Variants in SYCP2L observed in about 807,000 individuals in gnomAD.
The protein encoded by SYCP2L is synaptonemal complex protein 2 like, also known as synaptonemal complex protein 2-like.
Under a neutral mutation model 125.8 loss-of-function variants are expected in SYCP2L, and 98 were observed. The ratio of observed to expected loss-of-function variants is 0.78; its 90% CI spans 0.66 to 0.92. SYCP2L has a LOEUF of 0.92. Ranked by LOEUF, SYCP2L falls within the 40% of genes least tolerant of loss-of-function variation. SYCP2L has a pLI of 0.00. For missense variants in SYCP2L, 842 were observed against 936.4 expected, an observed-to-expected ratio of 0.90 and a Z score of 1.32; for synonymous variants, 317 against 325.4, an observed-to-expected ratio of 0.97 and a Z score of 0.28.
rs1780213578 is a variant in SYCP2L at position 10,893,867 on chromosome 6, C to G, written c.79C>G (p.Leu27Val). Reference protein sequence around the residue: ...TGKAQDDAFWLQSLITDAFHD... With the variant: ...TGKAQDDAFWVQSLITDAFHD... ...AATTTGCAAACTATCATCTTTCCAG[C>G]TTCAATCACTTATTACGGATGCATT... Residue 27 changes from leucine to valine, a missense_variant and splice_region_variant, in exon 3 of 30, where the codon CTT (leucine) becomes GTT (valine). By Grantham distance (32) the Leu-to-Val change is conservative. Coordinates refer to ENST00000283141, the MANE Select transcript of SYCP2L (RefSeq NM_001040274.3). The G allele has an allele frequency of 6.2e-7, 1 of 1,605,170 alleles. No homozygotes were observed. Among genetic ancestry groups the G allele is most frequent in the African/African-American group, 1.3e-5 (1 of 74,414 alleles).
rs747208750 is a variant in SYCP2L, at chr6:10,956,242, G to A, written c.2163G>A (p.Glu721=). The A allele has an allele frequency of 1.2e-6, 2 of 1,607,382 alleles. No individual in the cohort carries two copies. Residue 721 remains glutamate, a splice_region_variant and synonymous_variant, in exon 25 of 30, where the codon GAG becomes GAA. Transcript: ENST00000283141. ...NFTKKRKRKY[E]LRYRKRPFNS... is the part of the protein sequence containing the mutation. ...CTAAAAAACGGAAAAGAAAATATGAGGTAGTAGTCCACAAAACTTAAAAAA... is the reference window on the plus strand; with the variant it reads ...CTAAAAAACGGAAAAGAAAATATGAAGTAGTAGTCCACAAAACTTAAAAAA...
At chr6:10,910,517 A>C (rs567064186) in intron 11 of SYCP2L, among the ~76,000 whole-genome samples, 1 of 152,220 alleles carries the variant, frequency 6.6e-6, no homozygotes, top group African/African-American at 2.4e-5. Context: ...TGCTGGAGGT[A>C]GTTGTATCGT....
At chr6:10,888,081 T>G (rs1189846374) in intron 1 of SYCP2L, among the ~76,000 whole-genome samples, 1 of 41,572 alleles carries the variant, frequency 2.4e-5, no homozygotes. Flanking sequence ...TTTTTTTTTT[T>G]TTTTTTTTTT....
intron 11 of SYCP2L, 88 bp from the exon 12 acceptor site, chr6:10,910,736 C>T (rs1780592225): frequency 1.5e-6 from 2 of 1,374,270 alleles, no homozygotes; most frequent in Admixed American, 1.7e-5. Flanking sequence ...ATGGCATACT[C>T]TAGTTATAAG....
chr6:10,923,667 C>CTTTCTT (rs1425553477), intron 14 of SYCP2L, among the ~76,000 whole-genome samples: 2 of 110,394 alleles, frequency 1.8e-5, no homozygotes, highest in Non-Finnish European at 3.5e-5. Flanking sequence ...ACGCAGACTT[C>CTTTCTT]TTTCTTTTTC....
At chr6:10,927,511 C>T (rs568885777) in intron 17 of SYCP2L, 144 bp downstream of exon 17, 1 of 650,814 alleles carries the variant, frequency 1.5e-6, no homozygotes, top group Non-Finnish European at 2.6e-6. Flanking sequence ...AGCTGTAAAA[C>T]CAGCAAGTTT....
intron 23 of SYCP2L, among the ~76,000 whole-genome samples, chr6:10,952,621 A>C (rs1233725356): frequency 6.6e-6 from 1 of 151,196 alleles, no homozygotes; most frequent in African/African-American, 2.4e-5. Context: ...CAGAACAGGT[A>C]GTAAGGAAAA....
chr6:10,953,375 C>G (rs56139532), intron 23 of SYCP2L, among the ~76,000 whole-genome samples: 1 of 152,170 alleles, frequency 6.6e-6, no homozygotes, highest in African/African-American at 2.4e-5. Context: ...TCCTTACTTC[C>G]TGTTCTGCCC....
At chr6:10,896,362 G>C (rs1264618060) in intron 4 of SYCP2L, among the ~76,000 whole-genome samples, 1 of 152,138 alleles carries the variant, frequency 6.6e-6, no homozygotes, top group Non-Finnish European at 1.5e-5. Context: ...CTGTTCCCAA[G>C]TATTGATCAG....
intron 10 of SYCP2L, 115 bp downstream of exon 10, chr6:10,907,799 C>G (rs2113312434): frequency 1.0e-6 from 1 of 969,046 alleles, no homozygotes; most frequent in South Asian, 1.7e-5. Context: ...TGTGATTACA[C>G]TGCCATTCTT....
chr6:10,893,370 G>A (rs1180226765), intron 2 of SYCP2L, among the ~76,000 whole-genome samples: 1 of 152,132 alleles, frequency 6.6e-6, no homozygotes, highest in Admixed American at 6.5e-5. Flanking sequence ...ATTCATTATG[G>A]TCAATTTGCA....
At chr6:10,947,394 T>C (rs192341711) in intron 23 of SYCP2L, among the ~76,000 whole-genome samples, 225 of 152,218 alleles carry the variant, frequency 1.5e-3, no homozygotes, top group African/African-American at 5.1e-3. Flanking sequence ...ATCTTTAAAA[T>C]ATTAAACCAT....
intron 21 of SYCP2L, among the ~76,000 whole-genome samples, chr6:10,940,474 T>G (rs966312665): frequency 6.6e-6 from 1 of 152,160 alleles, no homozygotes; most frequent in Non-Finnish European, 1.5e-5. Flanking sequence ...TGGTATATAT[T>G]AATAATGGAA....
intron 9 of SYCP2L, among the ~76,000 whole-genome samples, chr6:10,907,033 T>G (rs1780509510): frequency 6.6e-6 from 1 of 152,148 alleles, no homozygotes; most frequent in Non-Finnish European, 1.5e-5. Context: ...TTTTATTGTA[T>G]TTCTTAAATA....
At chr6:10,973,914 C>T (rs1781817224) in intron 29 of SYCP2L, 38 bp from the exon 30 acceptor site, 1 of 152,242 alleles carries the variant, frequency 6.6e-6, no homozygotes, top group Admixed American at 6.5e-5. Context: ...ACAGTTCGGC[C>T]TTGACTAATT....
At position 10,954,053 on chromosome 6, in the gene SYCP2L, A is replaced by G. The variant is rs950551740; in HGVS notation, c.1955-1063A>G. On this transcript the variant is annotated intron_variant, in intron 23 of 29. Transcript: ENST00000283141. This position sits in a 1 kb window ranked among gnomAD's most constrained non-coding sequence, Gnocchi z 4.8. ...GGTCACTTCGTCTTTACCTCTCACT[A>G]TCTGCCAGCCGCATCGCCCTGCCTC... 7.2e-5 allele frequency among the ~76,000 whole-genome samples: 11 copies of G among 152,234 alleles called. No individual in the cohort carries two copies. The highest frequency in any genetic ancestry group is 1.5e-4 in the Non-Finnish European group (10 of 68,036).
In SYCP2L at chr6:10,907,631, G is replaced by A. The variant is rs754946517; in HGVS notation, c.766G>A (p.Asp256Asn). ...TGAACTTGTCCATAAATGGTTTGAT[G>A]ATGAAGTCATTGCTGAAGCTTTCAA... ...RDELVHKWFD[D>N]EVIAEAFKEI... The change falls in exon 10 of 30, where the codon GAT becomes AAT. Residue 256 changes from aspartate to asparagine, a missense_variant. Transcript: ENST00000283141. 1 of 1,613,980 alleles carries A rather than the reference G, an allele frequency of 6.2e-7. No homozygotes were observed. Among genetic ancestry groups the A allele is most frequent in the Non-Finnish European group, 8.5e-7 (1 of 1,179,950 alleles).
intron 29 of SYCP2L, among the ~76,000 whole-genome samples, chr6:10,967,457 GTGTGTGTGTGT>G (rs1561704227): frequency 1.5e-4 from 20 of 134,240 alleles, no homozygotes; most frequent in Admixed American, 4.9e-4. Flanking sequence ...GGTAGAGGGT[GTGTGTGTGTGT>G]GTGTGTGTGT....
chr6:10,889,139 C>T (rs777504845), intron 1 of SYCP2L, among the ~76,000 whole-genome samples: 17 of 152,322 alleles, frequency 1.1e-4, no homozygotes, highest in Non-Finnish European at 2.2e-4. Context: ...GGATTACAGG[C>T]GTGAGCCACT....
Sources: gnomAD v4.1 joint callset for allele counts (sites outside exome capture counted in the v4.1 genomes callset) on GRCh38, gnomAD v4.1.1 for gene constraint, Gnocchi (gnomAD v3.1) non-coding constraint, MANE v1.5 for transcripts, NCBI Gene and HGNC (gene_info 2026-07-23, HGNC 2026-07-21) for gene names.